The following ZNF475 variants were observed in gnomAD, a reference collection of about 807,000 sequenced individuals.
ZNF475 encodes zinc finger protein 475.
the ZNF475 span, among the ~76,000 whole-genome samples, chr5:122,175,865 C>G: frequency 4.6e-5 from 7 of 152,156 alleles, no homozygotes; most frequent in Non-Finnish European, 1.0e-4. Flanking sequence ...CAAAACAAAG[C>G]TTTCTTTTAC....
the ZNF475 span, among the ~76,000 whole-genome samples, chr5:122,170,681 A>T: frequency 6.6e-6 from 1 of 152,180 alleles, no homozygotes; most frequent in Admixed American, 6.5e-5. Flanking sequence ...TGATTAAATC[A>T]TTGAACATTA....
At chr5:122,179,556 A>G in the ZNF475 span, 29 of 1,500,024 alleles carry the variant, frequency 1.9e-5, no homozygotes, top group East Asian at 2.5e-4. Flanking sequence ...GCAGCCAACA[A>G]TGATACGGCG....
chr5:122,172,951 T>A, the ZNF475 span, among the ~76,000 whole-genome samples: 1 of 151,814 alleles, frequency 6.6e-6, no homozygotes, highest in African/African-American at 2.4e-5. Flanking sequence ...GAGAATGGCG[T>A]GAACCCGGGA....
At chr5:122,161,807 A>G in the ZNF475 span, among the ~76,000 whole-genome samples, 2 of 152,332 alleles carry the variant, frequency 1.3e-5, no homozygotes, top group African/African-American at 4.8e-5. Context: ...ACTGATGAGC[A>G]CAAGAACCAA....
At chr5:122,181,160 C>T in the ZNF475 span, among the ~76,000 whole-genome samples, 613 of 152,234 alleles carry the variant, frequency 4.0e-3, 3 homozygotes, top group African/African-American at 0.014. Context: ...CCTCTCACTT[C>T]CATGTTATTT....
chr5:122,178,384 C>T, the ZNF475 span, among the ~76,000 whole-genome samples: 2 of 152,224 alleles, frequency 1.3e-5, no homozygotes, highest in Admixed American at 1.3e-4. Context: ...TTTCCTATTT[C>T]TCCACATCCT....
chr5:122,162,220 A>G, the ZNF475 span: 10 of 152,254 alleles, frequency 6.6e-5, no homozygotes, highest in Admixed American at 3.3e-4. Context: ...AATCTTTCTT[A>G]GGTTAAAAGG....
the ZNF475 span, among the ~76,000 whole-genome samples, chr5:122,167,456 T>C: frequency 6.6e-6 from 1 of 152,218 alleles, no homozygotes; most frequent in African/African-American, 2.4e-5. Context: ...TCTTGGGAGA[T>C]AAATTAAAGA....
At chr5:122,160,245 A>T in the ZNF475 span, 1 of 1,289,792 alleles carries the variant, frequency 7.8e-7, no homozygotes, top group Non-Finnish European at 1.0e-6. Flanking sequence ...TCTCACATCG[A>T]CAGACCACAA....
the ZNF475 span, among the ~76,000 whole-genome samples, chr5:122,174,595 T>C: frequency 6.6e-6 from 1 of 152,208 alleles, no homozygotes; most frequent in African/African-American, 2.4e-5. Context: ...CACCTTTTTA[T>C]GGTATTAATT....
the ZNF475 span, chr5:122,179,539 G>A: frequency 9.4e-5 from 135 of 1,433,802 alleles, no homozygotes; most frequent in Non-Finnish European, 1.2e-4. Context: ...TTTATTTTAT[G>A]TTACTTGCAG....
the ZNF475 span, among the ~76,000 whole-genome samples, chr5:122,160,722 A>C: frequency 6.6e-6 from 1 of 152,232 alleles, no homozygotes; most frequent in Non-Finnish European, 1.5e-5. Context: ...CGTAAAATGA[A>C]CAAAAACCAT....
the ZNF475 span, chr5:122,182,486 T>C: frequency 5.7e-5 from 83 of 1,448,774 alleles, no homozygotes; most frequent in Non-Finnish European, 7.2e-5. Context: ...CCTTTAACTT[T>C]CCAGCCAAAG....
the ZNF475 span, among the ~76,000 whole-genome samples, chr5:122,178,756 C>A: frequency 6.6e-6 from 1 of 151,946 alleles, no homozygotes; most frequent in South Asian, 2.1e-4. Flanking sequence ...CCCATTTGTC[C>A]ATTTTGGCTT....
chr5:122,174,381 T>C, the ZNF475 span, among the ~76,000 whole-genome samples: 1 of 152,190 alleles, frequency 6.6e-6, no homozygotes, highest in Non-Finnish European at 1.5e-5. Flanking sequence ...AAAAATAAAA[T>C]AGGTCTTCTT....
the ZNF475 span, among the ~76,000 whole-genome samples, chr5:122,182,228 A>G: frequency 0.047 from 7,201 of 152,274 alleles, 570 homozygotes; most frequent in African/African-American, 0.16. Context: ...TTAAAATCCA[A>G]AGAGTGAAAA....
chr5:122,168,157 G>A, the ZNF475 span, among the ~76,000 whole-genome samples: 156 of 152,230 alleles, frequency 1.0e-3, 3 homozygotes, highest in African/African-American at 3.0e-3. Flanking sequence ...CGATTCTCCC[G>A]CCTCAGCCTC....
At chr5:122,161,980 T>TA in the ZNF475 span, among the ~76,000 whole-genome samples, 1,061 of 141,488 alleles carry the variant, frequency 7.5e-3, 13 homozygotes, top group South Asian at 0.051. Context: ...ATGTGAAAAT[T>TA]AAAAAAAAAA....
At chr5:122,180,317 A>T in the ZNF475 span, among the ~76,000 whole-genome samples, 8 of 152,224 alleles carry the variant, frequency 5.3e-5, no homozygotes, top group African/African-American at 1.7e-4. Context: ...AGCTGGCGTT[A>T]TCATTAAGAA....
Sources: gnomAD v4.1 joint callset for allele counts (sites outside exome capture counted in the v4.1 genomes callset) on GRCh38, gnomAD v4.1.1 for gene constraint, MANE v1.5 for transcripts, NCBI Gene and HGNC (gene_info 2026-07-23, HGNC 2026-07-21) for gene names.